Variants in MTBP observed in about 807,000 individuals in gnomAD.
MTBP encodes MDM2 binding protein, also known as mdm2-binding protein.
MTBP carries 101 observed loss-of-function variants against 117.0 expected under a neutral mutation model. The ratio of observed to expected loss-of-function variants is 0.86; its 90% CI spans 0.73 to 1.02. The LOEUF (loss-of-function observed/expected upper bound fraction) is 1.02. Among genes scored for constraint, MTBP ranks in the 50% least tolerant of loss-of-function variants. The pLI is 0.00. For missense variants in MTBP, 970 were observed against 1,030.9 expected, an observed-to-expected ratio of 0.94 and a Z score of 0.81; for synonymous variants, 350 against 351.5, an observed-to-expected ratio of 1.00 and a Z score of 0.05.
chr8:120,517,418 G>A lies in MTBP; in HGVS notation c.2247-433G>A, dbSNP rs570726436. Among the ~76,000 whole-genome samples the A allele has an allele frequency of 2.6e-5, 4 of 152,018 alleles. No homozygotes were observed. The South Asian group carries it at 8.3e-4, about 32-fold the overall frequency. ...GAGAAATTGTAAATTGGAGGGATGG[G>A]AGAGAGTATAACAATATTGTTTGTT... is the stretch of plus-strand genomic sequence containing the variant. On this transcript the variant is annotated intron_variant, in intron 18 of 21. Coordinates refer to ENST00000305949, the MANE Select transcript of MTBP (RefSeq NM_022045.5).
At chr8:120,446,946 C>T (rs991042014) in intron 2 of MTBP, among the ~76,000 whole-genome samples, 5 of 152,180 alleles carry the variant, frequency 3.3e-5, no homozygotes, top group African/African-American at 4.8e-5. Flanking sequence ...TTACTAAACA[C>T]GATGAGCTTT....
Position 120,518,763 on chromosome 8 carries a change from A to G in MTBP, c.2556A>G (p.Glu852=), listed in dbSNP as rs767454134. Reference sequence around the variant, plus strand: ...AACACAGTATTACCGAGACTCATGAATGTTTCACTGCATGCAGCCAGCGTC... The same window carrying G: ...AACACAGTATTACCGAGACTCATGAGTGTTTCACTGCATGCAGCCAGCGTC... The part of the protein sequence containing the change: ...LKKHSITETH[E]CFTACSQRLF... The change falls in exon 20 of 22, where the codon GAA becomes GAG. Residue 852 remains glutamate, a synonymous_variant. Transcript: ENST00000305949. 4 of 1,612,124 alleles carry G rather than the reference A, an allele frequency of 2.5e-6. No individual in the cohort carries two copies. The South Asian group carries it at 4.4e-5, about 18-fold the overall frequency.
intron 10 of MTBP, among the ~76,000 whole-genome samples, chr8:120,465,655 C>CTTTTTTTT (rs10663319): frequency 1.5e-4 from 15 of 101,658 alleles, no homozygotes; most frequent in Non-Finnish European, 2.2e-4. Context: ...CTTATAGAGA[C>CTTTTTTTT]TTTTTTTTTT....
chr8:120,480,880 A>G (rs1396111389), intron 11 of MTBP, among the ~76,000 whole-genome samples: 1 of 152,224 alleles, frequency 6.6e-6, no homozygotes, highest in Non-Finnish European at 1.5e-5. Flanking sequence ...TTACTTTTTG[A>G]TAAACACTAT....
rs769938034 is a variant in MTBP, at chr8:120,488,244, G to A, written c.1251G>A (p.Leu417=). 2 of 1,594,298 alleles carry A rather than the reference G, an allele frequency of 1.3e-6. No individual in the cohort carries two copies. The highest frequency in any genetic ancestry group is 4.6e-5 in the East Asian group (2 of 43,376). Residue 417 remains leucine (L), a synonymous_variant, in exon 12 of 22, where the codon TTG becomes TTA. Coordinates refer to ENST00000305949, the MANE Select transcript of MTBP (RefSeq NM_022045.5). ...GCAATAGAAGATGTAAAGCCACATT[G>A]ATTCACTCAGCCAACCAGATCAATG... ...GNGNRRCKAT[L]IHSANQINGS...
intron 13 of MTBP, among the ~76,000 whole-genome samples, chr8:120,494,848 C>T (rs1370052132): frequency 1.3e-5 from 2 of 152,074 alleles, no homozygotes; most frequent in Admixed American, 6.5e-5. Context: ...ATAGACAGAA[C>T]ATTGTTATGT....
At chr8:120,491,637 C>T (rs548475110) in intron 13 of MTBP, among the ~76,000 whole-genome samples, 17 of 152,310 alleles carry the variant, frequency 1.1e-4, no homozygotes, top group African/African-American at 4.1e-4. Flanking sequence ...TTATTTCAGA[C>T]ATCAGCCAGC....
intron 14 of MTBP, among the ~76,000 whole-genome samples, chr8:120,501,214 T>C (rs1157490487): frequency 1.1e-5 from 1 of 92,706 alleles, no homozygotes; most frequent in East Asian, 2.9e-4. Context: ...AAAAAAAAAT[T>C]AGCCGGGCGT....
intron 4 of MTBP, chr8:120,452,829 C>CAAAA (rs33959012): frequency 3.5e-5 from 3 of 86,088 alleles, no homozygotes; most frequent in African/African-American, 4.9e-5. Flanking sequence ...CACTCCGTCT[C>CAAAA]AAAAAAAAAA....
intron 11 of MTBP, among the ~76,000 whole-genome samples, chr8:120,485,244 ACTT>A (rs1435859711): frequency 6.2e-4 from 94 of 152,204 alleles, no homozygotes; most frequent in African/African-American, 2.2e-3. Context: ...CTTTAATACT[ACTT>A]CAGCTATATT....
At chr8:120,507,300 T>G (rs1016808695) in intron 16 of MTBP, among the ~76,000 whole-genome samples, 12 of 152,016 alleles carry the variant, frequency 7.9e-5, no homozygotes, top group Admixed American at 2.6e-4. Context: ...AACAGGAAAA[T>G]GTAATAAAAA....
intron 13 of MTBP, among the ~76,000 whole-genome samples, chr8:120,495,090 G>A (rs1230229079): frequency 6.6e-6 from 1 of 151,360 alleles, no homozygotes; most frequent in Admixed American, 6.6e-5. Flanking sequence ...CCTTTTTCTT[G>A]GATTATGCCT....
At chr8:120,473,231 T>C (rs915183865) in intron 11 of MTBP, 1 of 152,224 alleles carries the variant, frequency 6.6e-6, no homozygotes, top group East Asian at 1.9e-4. Flanking sequence ...AAATTTTTTT[T>C]GGAATATTTT....
chr8:120,511,009 T>C (rs1664257212), intron 17 of MTBP, among the ~76,000 whole-genome samples: 1 of 152,114 alleles, frequency 6.6e-6, no homozygotes, highest in Non-Finnish European at 1.5e-5. Flanking sequence ...CTGTATGAAA[T>C]GCTAATTTGA....
chr8:120,517,398 AT>A (rs1563806992), intron 18 of MTBP, among the ~76,000 whole-genome samples: 3 of 151,970 alleles, frequency 2.0e-5, no homozygotes. Flanking sequence ...TATTTGAGAA[AT>A]TGTAAATTGG....
intron 18 of MTBP, among the ~76,000 whole-genome samples, 179 bp downstream of exon 18, chr8:120,516,370 C>T (rs967802120): frequency 9.2e-5 from 14 of 151,880 alleles, no homozygotes; most frequent in Admixed American, 2.0e-4. Context: ...GAAAAAAACA[C>T]AGTTTCTTGC....
chr8:120,483,857 G>A (rs1212869406), intron 11 of MTBP, among the ~76,000 whole-genome samples: 2 of 151,854 alleles, frequency 1.3e-5, no homozygotes, highest in Non-Finnish European at 2.9e-5. Context: ...CTTTTTTTTA[G>A]TAATCATTTT....
rs1814952834 is a variant in MTBP, at chr8:120,518,111, A to G, written c.2496+11A>G. ...CAGAAACACACACGGGTAAAGATTT[A>G]TTTCCCATTTTTCTTAGTTCTACAT... On this transcript the variant is annotated intron_variant, in intron 19 of 21. Coordinates refer to ENST00000305949, the MANE Select transcript of MTBP (RefSeq NM_022045.5). 6.2e-7 allele frequency: 1 copy of G among 1,607,630 alleles called. No individual in the cohort carries two copies. Among genetic ancestry groups the G allele is most frequent in the Non-Finnish European group, 8.5e-7 (1 of 1,176,646 alleles).
At chr8:120,461,301 C>G in intron 9 of MTBP, 46 bp downstream of exon 9, 1 of 1,333,352 alleles carries the variant, frequency 7.5e-7, no homozygotes, top group Non-Finnish European at 1.1e-6. Flanking sequence ...TTTTCTGTGT[C>G]AGGTAGAATG....
Sources: gnomAD v4.1 joint callset for allele counts (sites outside exome capture counted in the v4.1 genomes callset) on GRCh38, gnomAD v4.1.1 for gene constraint, MANE v1.5 for transcripts, NCBI Gene and HGNC (gene_info 2026-07-23, HGNC 2026-07-21) for gene names.